The following HSH2D variants were observed in gnomAD, a reference collection of about 807,000 sequenced individuals.
The protein encoded by HSH2D is hematopoietic SH2 domain-containing protein.
Under a neutral mutation model 21.5 loss-of-function variants are expected in HSH2D, and 16 were observed. The ratio of observed to expected loss-of-function variants is 0.74; its 90% CI spans 0.50 to 1.13. The LOEUF is 1.13. Among genes scored for constraint, HSH2D ranks in the 50% most tolerant of loss-of-function variants. The probability of loss-of-function intolerance (pLI) is 0.00; values close to 1 mark genes in which losing one functional copy is unlikely to be tolerated. For synonymous variants in HSH2D, 172 were observed against 184.7 expected (o/e 0.93, Z 0.56); for missense variants, 418 against 441.4 (o/e 0.95, Z 0.47).
At chr19:16,154,328 T>C (rs1021616691) in intron 4 of HSH2D, 71 bp from the exon 5 acceptor site, 2 of 1,019,358 alleles carry the variant, frequency 2.0e-6, no homozygotes, top group Admixed American at 2.6e-5. Flanking sequence ...CCCTGAGACC[T>C]GCCTTCCAGG....
chr19:16,157,168 G>C lies in HSH2D; in HGVS notation c.475-42G>C. On this transcript the variant is annotated intron_variant, in intron 5 of 5. Transcript: ENST00000613986. This position sits in a 1 kb window ranked among gnomAD's most constrained non-coding sequence, Gnocchi z 4.4. ...ATTTCTGGGACAGACATGGTGCTCT[G>C]GTGGGCAAGCTGCCCCAGGCCTCCC... The C allele has an allele frequency of 1.4e-6, 2 of 1,476,876 alleles. No individual in the cohort carries two copies. The highest frequency in any genetic ancestry group is 1.8e-6 in the Non-Finnish European group (2 of 1,100,214). The allele number at this position is 1,476,876 out of a possible 1,614,324, so 91.5% of individuals were successfully genotyped here.
At chr19:16,147,626 TG>T (rs1161097461) in intron 1 of HSH2D, among the ~76,000 whole-genome samples, 32 of 151,046 alleles carry the variant, frequency 2.1e-4, no homozygotes, top group African/African-American at 7.1e-4. Flanking sequence ...CACAAGCCAG[TG>T]GTTTTTTTTT....
intron 2 of HSH2D, 139 bp from the exon 3 acceptor site, chr19:16,152,411 CTG>C (rs1159994809): frequency 2.1e-6 from 1 of 466,156 alleles, no homozygotes; most frequent in Non-Finnish European, 3.6e-6. Context: ...GAGCGAGACT[CTG>C]TCTCAAAAAA....
upstream of HSH2D, among the ~76,000 whole-genome samples, chr19:16,140,184 T>G (rs760052394): frequency 2.6e-5 from 4 of 152,138 alleles, no homozygotes; most frequent in African/African-American, 9.7e-5. Context: ...ATGCCTGTAA[T>G]GCCAGCACTT....
At chr19:16,146,339 T>C (rs976245379) in intron 1 of HSH2D, among the ~76,000 whole-genome samples, 2 of 152,126 alleles carry the variant, frequency 1.3e-5, no homozygotes, top group African/African-American at 2.4e-5. Flanking sequence ...GTGACGTTGG[T>C]GGCAGAAGTG....
chr19:16,135,793 G>A (rs1375117655), intron 1 of HSH2D, among the ~76,000 whole-genome samples: 2 of 152,180 alleles, frequency 1.3e-5, no homozygotes, highest in Non-Finnish European at 2.9e-5. Context: ...TTTATGAGAA[G>A]TTACCTGTTT....
chr19:16,157,990 A>G lies in HSH2D; in HGVS notation c.*196A>G. 1.8e-6 allele frequency: 1 copy of G among 546,018 alleles called. No individual in the cohort carries two copies. Among genetic ancestry groups the G allele is most frequent in the Non-Finnish European group, 3.2e-6 (1 of 309,572 alleles). The allele number at this position is 546,018 out of a possible 1,614,324, so 33.8% of individuals were successfully genotyped here. A position where few individuals can be genotyped will look rare whatever the true frequency, so the allele number is the denominator to read the frequency against. On this transcript the variant is annotated 3_prime_UTR_variant, in exon 6 of 6. Transcript: ENST00000613986. The surrounding 1 kb of genome is among the most constrained non-coding windows in gnomAD (Gnocchi z 4.4). ...GCTGGTTATTTTAGCAACAATCATC[A>G]GAGTGACGCTGATGGTTTGGGGCAC... is the stretch of plus-strand genomic sequence containing the variant.
At position 16,157,309 on chromosome 19, in the gene HSH2D, C is replaced by G; in HGVS notation, c.574C>G (p.Pro192Ala). ...TTKEATSSCPPKSPLGETRQK... is the reference protein window; with the variant it reads ...TTKEATSSCPAKSPLGETRQK... Reference sequence around the variant, plus strand: ...CAAGGAAGCCACTTCCTCCTGCCCCCCAAAATCCCCTCTTGGAGAGACCCG... The same window carrying G: ...CAAGGAAGCCACTTCCTCCTGCCCCGCAAAATCCCCTCTTGGAGAGACCCG... Residue 192 changes from proline (P) to alanine (A), a missense_variant, in exon 6 of 6, where the codon CCA (proline) becomes GCA (alanine). Physicochemically the swap from Pro to Ala is conservative, Grantham distance 27. Coordinates refer to ENST00000613986, the MANE Select transcript of HSH2D (RefSeq NM_001382417.1). The surrounding 1 kb of genome is among the most constrained non-coding windows in gnomAD (Gnocchi z 4.4). The G allele has an allele frequency of 2.5e-6, 4 of 1,613,080 alleles. No homozygotes were observed. Among genetic ancestry groups the G allele is most frequent in the South Asian group, 1.1e-5 (1 of 90,986 alleles).
At chr19:16,137,001 C>A (rs1370696862) in intron 1 of HSH2D, among the ~76,000 whole-genome samples, 1 of 152,176 alleles carries the variant, frequency 6.6e-6, no homozygotes, top group Non-Finnish European at 1.5e-5. Flanking sequence ...TTTCTTTTGC[C>A]TATTAAGCTT....
At chr19:16,149,018 G>C in intron 2 of HSH2D, 143 bp downstream of exon 2, 1 of 872,914 alleles carries the variant, frequency 1.1e-6, no homozygotes, top group Non-Finnish European at 1.7e-6. Flanking sequence ...AGGCTCCCAG[G>C]CTTGAATCCT....
intron 1 of HSH2D, among the ~76,000 whole-genome samples, chr19:16,135,482 T>TA (rs1468750009): frequency 7.9e-5 from 12 of 151,956 alleles, no homozygotes; most frequent in East Asian, 3.9e-4. Context: ...GGATACAACT[T>TA]ACGCCCCTCA....
In HSH2D at chr19:16,157,407, C is replaced by A. The variant is rs1184867038; in HGVS notation, c.672C>A (p.His224Gln). The A allele has an allele frequency of 6.2e-7, 1 of 1,613,924 alleles. No individual in the cohort carries two copies. The change falls in exon 6 of 6, where the codon CAC becomes CAA. Residue 224 changes from histidine (H) to glutamine (Q), a missense_variant. By Grantham distance (24) the His-to-Gln change is conservative. Transcript: ENST00000613986. The surrounding 1 kb of genome is among the most constrained non-coding windows in gnomAD (Gnocchi z 4.4). ...GQRVRQQLKS[H>Q]LATVNLSSLL... ...GGGTCCGGCAGCAGCTAAAAAGCCA[C>A]CTCGCCACTGTGAACTTGTCGTCAC...
At chr19:16,154,054 C>T (rs1405319158) in intron 4 of HSH2D, among the ~76,000 whole-genome samples, 3 of 147,836 alleles carry the variant, frequency 2.0e-5, no homozygotes, top group African/African-American at 7.3e-5. Context: ...CAAGAAACTG[C>T]TGTGGGTGGG....
chr19:16,153,810 AGGG>A (rs1490404524), intron 4 of HSH2D, among the ~76,000 whole-genome samples: 1 of 132,194 alleles, frequency 7.6e-6, no homozygotes, highest in Admixed American at 7.7e-5. Context: ...GAAACTGCTG[AGGG>A]GGGTTATCTC....
chr19:16,157,806 AC>A lies in HSH2D; in HGVS notation c.*15del, dbSNP rs768465808. On this transcript the variant is annotated 3_prime_UTR_variant, in exon 6 of 6. Coordinates refer to ENST00000613986, the MANE Select transcript of HSH2D (RefSeq NM_001382417.1). The surrounding 1 kb of genome is among the most constrained non-coding windows in gnomAD (Gnocchi z 4.4). ...CTGGGTACTGCTAGAGAACAGGTCC[AC>A]CCTGGCTCTGGGACTCGCTGCCAGG... The A allele has an allele frequency of 7.1e-6, 11 of 1,557,426 alleles. No homozygotes were observed. Among genetic ancestry groups the A allele is most frequent in the Non-Finnish European group, 8.6e-6 (10 of 1,156,480 alleles).
chr19:16,147,715 G>A (rs192872490), intron 1 of HSH2D, among the ~76,000 whole-genome samples: 98 of 147,230 alleles, frequency 6.7e-4, no homozygotes, highest in Non-Finnish European at 1.2e-3. Context: ...GTGCAATCTC[G>A]GCTCACTGCA....
chr19:16,158,229 T>A lies in HSH2D; in HGVS notation c.*435T>A. On this transcript the variant is annotated 3_prime_UTR_variant, in exon 6 of 6. Coordinates refer to ENST00000613986, the MANE Select transcript of HSH2D (RefSeq NM_001382417.1). ...CTTTTCCCATATCATCTGTTTGTTC[T>A]GTTGTCTAAAAGCACACTGCAAGCC... is the stretch of plus-strand genomic sequence containing the variant. 1 of 160,688 alleles carries A rather than the reference T, an allele frequency of 6.2e-6. No individual in the cohort carries two copies. The highest frequency in any genetic ancestry group is 1.4e-5 in the Non-Finnish European group (1 of 73,592). The allele number at this position is 160,688 out of a possible 1,614,324, so 10.0% of individuals were successfully genotyped here.
chr19:16,137,730 T>A (rs770763275), intron 1 of HSH2D, among the ~76,000 whole-genome samples: 5 of 151,968 alleles, frequency 3.3e-5, no homozygotes, highest in Non-Finnish European at 7.4e-5. Context: ...TACAGGTGCA[T>A]ACCACCACAC....
upstream of HSH2D, among the ~76,000 whole-genome samples, chr19:16,141,724 G>A (rs2091001337): frequency 6.6e-6 from 1 of 152,052 alleles, no homozygotes; most frequent in South Asian, 2.1e-4. Context: ...AGGAGTTTGA[G>A]ACCAGCCTGG....
Sources: gnomAD v4.1 joint callset for allele counts (sites outside exome capture counted in the v4.1 genomes callset) on GRCh38, gnomAD v4.1.1 for gene constraint, Gnocchi (gnomAD v3.1) non-coding constraint, MANE v1.5 for transcripts, NCBI Gene and HGNC (gene_info 2026-07-23, HGNC 2026-07-21) for gene names.